The following EIF2AK4 variants were observed in gnomAD, a reference collection of about 807,000 sequenced individuals.
EIF2AK4 encodes eukaryotic translation initiation factor 2 alpha kinase 4.
In EIF2AK4, 139 loss-of-function variants were observed where a neutral mutation model predicts 211.1. That is an observed-to-expected ratio of 0.66 (90% CI 0.57 to 0.76). The LOEUF is 0.76. EIF2AK4 is among the 30% of genes least tolerant of loss of function. The pLI is 0.00. For missense variants in EIF2AK4, 1,664 were observed against 2,043.8 expected (o/e 0.81, Z 3.58); for synonymous variants, 710 against 751.3 (o/e 0.94, Z 0.90).
At chr15:40,009,236 G>A (rs966359481) in intron 25 of EIF2AK4, among the ~76,000 whole-genome samples, 4 of 151,794 alleles carry the variant, frequency 2.6e-5, no homozygotes, top group African/African-American at 7.3e-5. Context: ...CTACAAGCAT[G>A]TGCCACTGAC....
chr15:39,984,329 A>C (rs955805326), intron 13 of EIF2AK4, among the ~76,000 whole-genome samples: 2 of 152,240 alleles, frequency 1.3e-5, no homozygotes, highest in African/African-American at 4.8e-5. Context: ...TGTCTTGGCT[A>C]TACGGGCTCT....
intron 21 of EIF2AK4, 46 bp from the exon 22 acceptor site, chr15:40,002,667 C>G (rs1036791909): frequency 6.3e-7 from 1 of 1,598,690 alleles, no homozygotes; most frequent in Non-Finnish European, 8.6e-7. Flanking sequence ...TAAAGGATCC[C>G]TTTGATAAGG....
At chr15:40,009,491 C>A in intron 25 of EIF2AK4, 123 bp from the exon 26 acceptor site, 1 of 610,086 alleles carries the variant, frequency 1.6e-6, no homozygotes, top group Non-Finnish European at 2.9e-6. Context: ...AACTAGGAAG[C>A]CATATGCTAA....
In EIF2AK4 at chr15:39,955,677, G is replaced by A; in HGVS notation, c.652G>A (p.Gly218Arg). The A allele has an allele frequency of 6.2e-7, 1 of 1,613,326 alleles. No individual in the cohort carries two copies. The highest frequency in any genetic ancestry group is 8.5e-7 in the Non-Finnish European group (1 of 1,179,804). The part of the protein sequence containing the change: ...NQDHTSKKDP[G>R]GHRTAAILHG... ...AGATCATACCTCTAAGAAGGACCCA[G>A]GAGGACACAGAACGGCTGCCATTCT... Residue 218 changes from glycine (G) to arginine (R), a missense_variant, in exon 6 of 39, where the codon GGA (glycine) becomes AGA (arginine). By Grantham distance (125) the Gly-to-Arg change is moderately radical. Coordinates refer to ENST00000263791, the MANE Select transcript of EIF2AK4 (RefSeq NM_001013703.4).
At chr15:40,024,055 T>A (rs1567009197) in intron 32 of EIF2AK4, among the ~76,000 whole-genome samples, 2 of 152,156 alleles carry the variant, frequency 1.3e-5, no homozygotes, top group South Asian at 2.1e-4. Flanking sequence ...CAGAAAAAAA[T>A]TTGAAGCTTT....
rs117757749 is a variant in EIF2AK4 at position 39,966,793 on chromosome 15, A to G, written c.1018-551A>G. 2.4e-3 allele frequency among the ~76,000 whole-genome samples: 361 copies of G among 152,342 alleles called. 4 individuals are homozygous for G. The highest frequency in any genetic ancestry group is 0.018 in the East Asian group (91 of 5,174). On this transcript the variant is annotated intron_variant, in intron 8 of 38. Transcript: ENST00000263791. ...GATAACATGTGGGTATTTTCTATCA[A>G]ACTAATTTTTTAAATGTTGACAATG...
chr15:39,946,686 T>C lies in EIF2AK4; in HGVS notation c.361-2430T>C, dbSNP rs771751610. On this transcript the variant is annotated intron_variant, in intron 3 of 38. Transcript: ENST00000263791. ...TTGAATGCTACAGAGAAATCTTCCA[T>C]GAAAGGAAGAGTCAATCGATGCAGC... is the stretch of plus-strand genomic sequence containing the variant. 6.9e-5 allele frequency: 48 copies of C among 699,856 alleles called. 3 individuals are homozygous for C. The highest frequency in any genetic ancestry group is 6.4e-4 in the South Asian group (43 of 67,358). 43.4% of individuals were successfully genotyped at this position (699,856 alleles called of 1,614,324 possible).
rs370614233 is a variant in EIF2AK4 at position 39,973,559 on chromosome 15, C to T, written c.1661-33C>T. ...GTAGCTCTTCCTAAATTTCCAATGC[C>T]TCATGTGCCTCTTACTCCCTGTTTT... On this transcript the variant is annotated intron_variant, in intron 10 of 38. Coordinates refer to ENST00000263791, the MANE Select transcript of EIF2AK4 (RefSeq NM_001013703.4). 15 of 1,583,316 alleles carry T rather than the reference C, an allele frequency of 9.5e-6. No homozygotes were observed. In the African/African-American group the frequency reaches 1.8e-4, roughly 19 times the overall value.
chr15:39,953,452 G>T (rs1346120056), intron 4 of EIF2AK4, among the ~76,000 whole-genome samples: 1 of 152,116 alleles, frequency 6.6e-6, no homozygotes, highest in African/African-American at 2.4e-5. Flanking sequence ...ATGGTACTTG[G>T]GCCATGGCTA....
chr15:39,961,049 C>T (rs1219691192), intron 6 of EIF2AK4, among the ~76,000 whole-genome samples: 1 of 152,132 alleles, frequency 6.6e-6, no homozygotes, highest in Non-Finnish European at 1.5e-5. Flanking sequence ...GCAACCCTCT[C>T]CCCTAATTTA....
chr15:40,027,168 A>G lies in EIF2AK4; in HGVS notation c.4502+1079A>G, dbSNP rs1325308729. On this transcript the variant is annotated intron_variant, in intron 33 of 38. Coordinates refer to ENST00000263791, the MANE Select transcript of EIF2AK4 (RefSeq NM_001013703.4). ...AAATTAACTTAGTAAGGAAAATGGC[A>G]TTGTTTAAAATATTTGCACATCTTT... Among the ~76,000 whole-genome samples the G allele has an allele frequency of 4.6e-5, 7 of 152,354 alleles. 1 individual carries two copies. The South Asian group carries it at 8.3e-4, about 18-fold the overall frequency.
intron 1 of EIF2AK4, among the ~76,000 whole-genome samples, chr15:39,937,932 A>C (rs1049579509): frequency 6.6e-6 from 1 of 152,216 alleles, no homozygotes; most frequent in African/African-American, 2.4e-5. Context: ...AATAATTCTC[A>C]AATGTATTTC....
At position 39,976,765 on chromosome 15, in the gene EIF2AK4, C is replaced by A; in HGVS notation, c.2170C>A (p.Pro724Thr). The A allele has an allele frequency of 6.3e-7, 1 of 1,595,904 alleles. No homozygotes were observed. Among genetic ancestry groups the A allele is most frequent in the South Asian group, 1.1e-5 (1 of 88,830 alleles). Residue 724 changes from proline (P) to threonine (T), a missense_variant, in exon 12 of 39, where the codon CCC becomes ACC. By Grantham distance (38) the Pro-to-Thr change is conservative (BLOSUM62 -1). Transcript: ENST00000263791. ...CGAGCGCTCGGCCAGTGCCCGTTTC[C>A]CCGCCACCGGCCCGGGCTCCAGCGA... Reference protein sequence around the residue: ...SGERSASARFPATGPGSSDDE... With the variant: ...SGERSASARFTATGPGSSDDE...
chr15:39,974,851 T>G (rs2034672626), intron 11 of EIF2AK4: 4 of 152,176 alleles, frequency 2.6e-5, no homozygotes, highest in Non-Finnish European at 5.9e-5. Flanking sequence ...TGTGTCAGAG[T>G]AGGGCAGCCT....
intron 27 of EIF2AK4, among the ~76,000 whole-genome samples, chr15:40,015,972 G>A (rs779792861): frequency 6.6e-6 from 1 of 152,208 alleles, no homozygotes; most frequent in Non-Finnish European, 1.5e-5. Context: ...CCAGGATCTG[G>A]CATCCAGGTG....
chr15:40,008,730 A>G (rs1045102706), intron 25 of EIF2AK4, among the ~76,000 whole-genome samples: 4 of 152,082 alleles, frequency 2.6e-5, no homozygotes, highest in African/African-American at 9.7e-5. Flanking sequence ...CTGCACCCTC[A>G]TTAATTAGTT....
rs2034269735 is a variant in EIF2AK4 at position 39,949,152 on chromosome 15, T to C, written c.397T>C (p.Phe133Leu). The stretch of plus-strand genomic sequence containing the variant: ...TGAACTGGCTTACCACGTGCAGTCA[T>C]TTCTCAGCGAGCATAACAAGCCCCC... The part of the protein sequence containing the change: ...IFELAYHVQS[F>L]LSEHNKPPPK... The change falls in exon 4 of 39, where the codon TTT becomes CTT. Residue 133 changes from phenylalanine (F) to leucine (L), a missense_variant. Physicochemically the swap from Phe to Leu is conservative, Grantham distance 22. Transcript: ENST00000263791. The C allele has an allele frequency of 1.2e-6, 2 of 1,614,052 alleles. No homozygotes were observed. The highest frequency in any genetic ancestry group is 1.6e-4 in the Middle Eastern group (1 of 6,062).
Position 40,032,771 on chromosome 15 carries a change from A to G in EIF2AK4, c.4743A>G (p.Lys1581=). Residue 1581 remains lysine, a synonymous_variant, in exon 37 of 39, where the codon AAA becomes AAG. Coordinates refer to ENST00000263791, the MANE Select transcript of EIF2AK4 (RefSeq NM_001013703.4). ...TGTATTCACAGGTGGATCTACCCAA[A>G]GAAACAATATTACAGTTTTTATCAT... ...EIEILAVDLP[K]ETILQFLSLE... 6.2e-7 allele frequency: 1 copy of G among 1,613,792 alleles called. No homozygotes were observed. The highest frequency in any genetic ancestry group is 1.1e-5 in the South Asian group (1 of 91,010).
chr15:40,006,867 G>A, intron 23 of EIF2AK4, 149 bp from the exon 24 acceptor site: 1 of 598,314 alleles, frequency 1.7e-6, no homozygotes, highest in Non-Finnish European at 3.0e-6. Flanking sequence ...GTGGTGAGCA[G>A]TGCATAACTT....
Sources: allele counts gnomAD v4.1 joint callset (sites outside exome capture counted in the v4.1 genomes callset), GRCh38; gene constraint gnomAD v4.1.1; transcripts MANE v1.5; gene names NCBI Gene and HGNC (gene_info 2026-07-23, HGNC 2026-07-21).